LLPH: variants seen among roughly 807,000 people sequenced by gnomAD.
LLPH encodes the protein protein LLP homolog.
Under a neutral mutation model 13.3 loss-of-function variants are expected in LLPH, and 5 were observed. The ratio of observed to expected loss-of-function variants is 0.38; its 90% CI spans 0.20 to 0.79. LLPH has a LOEUF of 0.79. Ranked by LOEUF, LLPH falls within the 30% of genes least tolerant of loss-of-function variation. LLPH has a pLI of 0.45. For missense variants in LLPH, 129 were observed against 152.1 expected (o/e 0.85, Z 0.80); for synonymous variants, 32 against 44.2 (o/e 0.72, Z 1.09).
intron 2 of LLPH, among the ~76,000 whole-genome samples, chr12:66,126,079 C>T (rs928223016): frequency 3.3e-5 from 5 of 152,124 alleles, no homozygotes; most frequent in African/African-American, 9.7e-5. Context: ...AATCCCAGCA[C>T]TTTGGGAGGC....
At chr12:66,124,465 CAG>C (rs1410177639) in intron 2 of LLPH, among the ~76,000 whole-genome samples, 2 of 152,162 alleles carry the variant, frequency 1.3e-5, no homozygotes, top group African/African-American at 4.8e-5. Context: ...GTTGTAATGG[CAG>C]AGACAGGCAC....
chr12:66,121,280 CTT>C lies in LLPH; in HGVS notation c.*2558_*2559del, dbSNP rs10715438. 266 of 121,108 alleles carry C rather than the reference CTT, an allele frequency of 2.2e-3. 2 individuals carry two copies. In the South Asian group the frequency reaches 0.029, roughly 13 times the overall value. The allele number at this position is 121,108 out of a possible 1,614,324, so 7.5% of individuals were successfully genotyped here. A position where few individuals can be genotyped will look rare whatever the true frequency, so the allele number is the denominator to read the frequency against. ...AACTGTGTAATATCACGAATGTAGA[CTT>C]TTTTTTTTTTTTTTTTTGAGATGGA... On this transcript the variant is annotated 3_prime_UTR_variant, in exon 3 of 3. Transcript: ENST00000266604.
At chr12:66,128,475 C>A (rs1351372704) in intron 2 of LLPH, among the ~76,000 whole-genome samples, 1 of 152,078 alleles carries the variant, frequency 6.6e-6, no homozygotes, top group African/African-American at 2.4e-5. Context: ...TTAGATCTTA[C>A]AAAGAGTAAA....
At chr12:66,125,548 T>C (rs2051490826) in intron 2 of LLPH, among the ~76,000 whole-genome samples, 1 of 152,102 alleles carries the variant, frequency 6.6e-6, no homozygotes. Context: ...CTTTAGCTCC[T>C]AAAATATCTA....
In LLPH at chr12:66,121,904, CAT is replaced by C. The variant is rs1272646837; in HGVS notation, c.*1934_*1935del. 4.1e-5 allele frequency: 5 copies of C among 121,040 alleles called. No individual in the cohort carries two copies. The highest frequency in any genetic ancestry group is 1.2e-4 in the African/African-American group (4 of 32,546). 7.5% of individuals were successfully genotyped at this position (121,040 alleles called of 1,614,324 possible). On this transcript the variant is annotated 3_prime_UTR_variant, in exon 3 of 3. Transcript: ENST00000266604. ...ATCTCAAAAAAAAAAAAAAAAAAAA[CAT>C]AAATAATTCAGCTACTGTATTTAGG...
chr12:66,122,028 A>T lies in LLPH; in HGVS notation c.*1812T>A, dbSNP rs1316106697. ...CTTTTCCCTCACAAATGCTAGTGTT[A>T]TTCATACCTACACCAAAGGCAACAA... On this transcript the variant is annotated 3_prime_UTR_variant, in exon 3 of 3. Transcript: ENST00000266604. The T allele has an allele frequency of 9.2e-5, 14 of 152,046 alleles. No homozygotes were observed. The highest frequency in any genetic ancestry group is 2.1e-4 in the Non-Finnish European group (14 of 68,018). 9.4% of individuals were successfully genotyped at this position (152,046 alleles called of 1,614,324 possible).
rs1592522441 is a variant in LLPH, at chr12:66,119,197, T to A, written c.*4643A>T. 6.6e-6 allele frequency: 1 copy of A among 152,192 alleles called. No homozygotes were observed. Among genetic ancestry groups the A allele is most frequent in the South Asian group, 2.1e-4 (1 of 4,826 alleles). The allele number at this position is 152,192 out of a possible 1,614,324, so 9.4% of individuals were successfully genotyped here. The stretch of plus-strand genomic sequence containing the variant: ...AAAATAGGGATAATTAAAGTATTGA[T>A]CCCACAGTGTTTTAAAGATTAAATA... On this transcript the variant is annotated 3_prime_UTR_variant, in exon 3 of 3. Coordinates refer to ENST00000266604, the MANE Select transcript of LLPH (RefSeq NM_032338.4).
intron 2 of LLPH, among the ~76,000 whole-genome samples, chr12:66,126,280 T>C (rs924754700): frequency 6.7e-6 from 1 of 148,348 alleles, no homozygotes. Context: ...GCCGAGATCA[T>C]GCCACTGCAC....
rs1377484766 is a variant in LLPH at position 66,123,062 on chromosome 12, G to T, written c.*778C>A. ...CATGAAAGAAAAAAAAATCAGACTT[G>T]AAGATCTACACACAAAATATCTTTT... On this transcript the variant is annotated 3_prime_UTR_variant, in exon 3 of 3. Coordinates refer to ENST00000266604, the MANE Select transcript of LLPH (RefSeq NM_032338.4). 1 of 108,488 alleles carries T rather than the reference G, an allele frequency of 9.2e-6. No individual in the cohort carries two copies. Among genetic ancestry groups the T allele is most frequent in the Non-Finnish European group, 2.0e-5 (1 of 49,566 alleles). 6.7% of individuals were successfully genotyped at this position (108,488 alleles called of 1,614,324 possible).
In LLPH at chr12:66,123,759, G is replaced by C; in HGVS notation, c.*81C>G. 1 of 1,390,794 alleles carries C rather than the reference G, an allele frequency of 7.2e-7. No individual in the cohort carries two copies. The highest frequency in any genetic ancestry group is 9.7e-7 in the Non-Finnish European group (1 of 1,032,506). 86.2% of individuals were successfully genotyped at this position (1,390,794 alleles called of 1,614,324 possible). On this transcript the variant is annotated 3_prime_UTR_variant, in exon 3 of 3. Transcript: ENST00000266604. ...GAAAACAAATGGTTTTCATTTGGTG[G>C]CAGTTGAAATCAAAGTATACATGTG...
In LLPH at chr12:66,123,005, G is replaced by A. The variant is rs535082048; in HGVS notation, c.*835C>T. 6.6e-6 allele frequency: 1 copy of A among 151,262 alleles called. No individual in the cohort carries two copies. The highest frequency in any genetic ancestry group is 2.4e-5 in the African/African-American group (1 of 41,048). The allele number at this position is 151,262 out of a possible 1,614,324, so 9.4% of individuals were successfully genotyped here. A position where few individuals can be genotyped will look rare whatever the true frequency, so the allele number is the denominator to read the frequency against. The stretch of plus-strand genomic sequence containing the variant: ...TAAGAAAACATTTAATTGAAATCTG[G>A]TCTTCTCTAGGACTAAAAAACCTTA... On this transcript the variant is annotated 3_prime_UTR_variant, in exon 3 of 3. Coordinates refer to ENST00000266604, the MANE Select transcript of LLPH (RefSeq NM_032338.4).
Position 66,119,069 on chromosome 12 carries a change from T to C in LLPH, c.*4771A>G, listed in dbSNP as rs1369332601. On this transcript the variant is annotated 3_prime_UTR_variant, in exon 3 of 3. Coordinates refer to ENST00000266604, the MANE Select transcript of LLPH (RefSeq NM_032338.4). ...TCTGTCTCTCTGTAGCTTTCCATCA[T>C]AGGTATTCATTCTATACTCTGGGAC... The C allele has an allele frequency of 6.6e-6, 1 of 152,194 alleles. No individual in the cohort carries two copies. The highest frequency in any genetic ancestry group is 2.4e-5 in the African/African-American group (1 of 41,446). 9.4% of individuals were successfully genotyped at this position (152,194 alleles called of 1,614,324 possible).
At chr12:66,124,202 G>A (rs988574469) in intron 2 of LLPH, among the ~76,000 whole-genome samples, 184 bp from the exon 3 acceptor site, 1 of 152,174 alleles carries the variant, frequency 6.6e-6, no homozygotes, top group Non-Finnish European at 1.5e-5. Context: ...TGTTAAATAG[G>A]AAACATTTAG....
intron 2 of LLPH, among the ~76,000 whole-genome samples, chr12:66,126,190 C>T (rs560629289): frequency 6.6e-6 from 1 of 151,666 alleles, no homozygotes; most frequent in East Asian, 2.0e-4. Flanking sequence ...CGGGTGTGAT[C>T]GCAGGCGCCT....
rs1033419021 is a variant in LLPH, at chr12:66,118,679, T to C, written c.*5161A>G. 1.3e-5 allele frequency: 2 copies of C among 152,208 alleles called. No individual in the cohort carries two copies. The highest frequency in any genetic ancestry group is 2.9e-5 in the Non-Finnish European group (2 of 68,052). 9.4% of individuals were successfully genotyped at this position (152,208 alleles called of 1,614,324 possible). On this transcript the variant is annotated 3_prime_UTR_variant, in exon 3 of 3. Transcript: ENST00000266604. ...TGTAGTAGACGATACCCTCTAGATTTGTGTAAGTACAGTCTATGATATTCA... is the reference window on the plus strand; with the variant it reads ...TGTAGTAGACGATACCCTCTAGATTCGTGTAAGTACAGTCTATGATATTCA...
At position 66,117,056 on chromosome 12, in the gene LLPH, C is replaced by G. The variant is rs1007349121; in HGVS notation, c.*6784G>C. On this transcript the variant is annotated 3_prime_UTR_variant, in exon 3 of 3. Coordinates refer to ENST00000266604, the MANE Select transcript of LLPH (RefSeq NM_032338.4). ...AGAGCAAAACAAGCATGATACATTT[C>G]AAACATGACAATTTATTACGAGGCA... 5 of 152,156 alleles carry G rather than the reference C, an allele frequency of 3.3e-5. No individual in the cohort carries two copies. The highest frequency in any genetic ancestry group is 1.2e-4 in the African/African-American group (5 of 41,460). The allele number at this position is 152,156 out of a possible 1,614,324, so 9.4% of individuals were successfully genotyped here.
At chr12:66,124,922 T>C (rs2051486935) in intron 2 of LLPH, among the ~76,000 whole-genome samples, 1 of 152,124 alleles carries the variant, frequency 6.6e-6, no homozygotes, top group Non-Finnish European at 1.5e-5. Context: ...AGGTATAGTA[T>C]CTATAGGCAT....
Position 66,122,170 on chromosome 12 carries a change from T to C in LLPH, c.*1670A>G, listed in dbSNP as rs1042719336. 6.6e-6 allele frequency: 1 copy of C among 152,214 alleles called. No homozygotes were observed. The highest frequency in any genetic ancestry group is 1.5e-5 in the Non-Finnish European group (1 of 68,034). 9.4% of individuals were successfully genotyped at this position (152,214 alleles called of 1,614,324 possible). ...ATTGAGAAAAATAAGAAAAGTCTAC[T>C]ATATTTAAACAATTCCAAGAGTTTA... On this transcript the variant is annotated 3_prime_UTR_variant, in exon 3 of 3. Transcript: ENST00000266604.
rs2051468791 is a variant in LLPH at position 66,122,401 on chromosome 12, G to A, written c.*1439C>T. On this transcript the variant is annotated 3_prime_UTR_variant, in exon 3 of 3. Coordinates refer to ENST00000266604, the MANE Select transcript of LLPH (RefSeq NM_032338.4). ...ACATCTTCTTCTAAACAGATACACAGCTCTCAGCCCTATGAGAGCAGAAAT... is the reference window on the plus strand; with the variant it reads ...ACATCTTCTTCTAAACAGATACACAACTCTCAGCCCTATGAGAGCAGAAAT... The A allele has an allele frequency of 6.6e-6, 1 of 152,082 alleles. No homozygotes were observed. The highest frequency in any genetic ancestry group is 2.4e-5 in the African/African-American group (1 of 41,388). The allele number at this position is 152,082 out of a possible 1,614,324, so 9.4% of individuals were successfully genotyped here.
Sources: allele counts gnomAD v4.1 joint callset (sites outside exome capture counted in the v4.1 genomes callset), GRCh38; gene constraint gnomAD v4.1.1; transcripts MANE v1.5; gene names NCBI Gene and HGNC (gene_info 2026-07-23, HGNC 2026-07-21).